The following CD1B variants were observed in gnomAD, a reference collection of about 807,000 sequenced individuals.
CD1B encodes the protein CD1b molecule.
CD1B carries 43 observed loss-of-function variants against 39.8 expected under a neutral mutation model. That is an observed-to-expected ratio of 1.08 (90% CI 0.85 to 1.39). The LOEUF (loss-of-function observed/expected upper bound fraction) is 1.39. CD1B is among the 40% of genes most tolerant of loss of function. CD1B has a pLI of 0.00. For missense variants in CD1B, 495 were observed against 403.8 expected, an observed-to-expected ratio of 1.23 and a Z score of -1.94; for synonymous variants, 192 against 152.5, an observed-to-expected ratio of 1.26 and a Z score of -1.91.
chr1:158,291,286 T>C, the CD1B span: 2 of 1,614,154 alleles, frequency 1.2e-6, no homozygotes, highest in Non-Finnish European at 1.7e-6. Context: ...GCATAACTGG[T>C]CCAAGGGCAA....
the CD1B span, among the ~76,000 whole-genome samples, chr1:158,288,753 T>A: frequency 0.017 from 2,579 of 152,290 alleles, 71 homozygotes; most frequent in African/African-American, 0.06. Flanking sequence ...ATTAATATGA[T>A]TTAAGAAACA....
the CD1B span, among the ~76,000 whole-genome samples, chr1:158,320,687 C>T: frequency 2.9e-4 from 44 of 152,070 alleles, no homozygotes; most frequent in African/African-American, 9.6e-4. Context: ...TCCTCCCCCT[C>T]CATAGGTTTT....
At chr1:158,320,837 T>G in the CD1B span, among the ~76,000 whole-genome samples, 1 of 152,218 alleles carries the variant, frequency 6.6e-6, no homozygotes, top group Admixed American at 6.5e-5. Flanking sequence ...CTCCTCTTAT[T>G]GATTTCTAGT....
At chr1:158,302,990 C>T in the CD1B span, among the ~76,000 whole-genome samples, 2 of 151,828 alleles carry the variant, frequency 1.3e-5, no homozygotes, top group African/African-American at 4.8e-5. Flanking sequence ...AAAAAGAAAA[C>T]ATTAGCTAAT....
chr1:158,309,580 C>T, the CD1B span, among the ~76,000 whole-genome samples: 1 of 152,036 alleles, frequency 6.6e-6, no homozygotes, highest in Admixed American at 6.6e-5. Flanking sequence ...TGGAACCAAC[C>T]CAAATGTCTA....
the CD1B span, among the ~76,000 whole-genome samples, chr1:158,320,744 TTC>T: frequency 6.6e-6 from 1 of 152,218 alleles, no homozygotes; most frequent in Non-Finnish European, 1.5e-5. Flanking sequence ...TATTGAAATT[TTC>T]TTTTTGATTT....
chr1:158,299,805 T>C, the CD1B span, among the ~76,000 whole-genome samples: 1 of 152,216 alleles, frequency 6.6e-6, no homozygotes, highest in African/African-American at 2.4e-5. Flanking sequence ...TGATGGTAGT[T>C]TGTATTTTTG....
chr1:158,292,904 G>T, the CD1B span: 519 of 1,609,230 alleles, frequency 3.2e-4, no homozygotes, highest in Middle Eastern at 1.3e-3. Context: ...GTGTAGGTAG[G>T]TGGTTCTTGA....
At chr1:158,307,261 C>T in the CD1B span, among the ~76,000 whole-genome samples, 357 of 152,194 alleles carry the variant, frequency 2.3e-3, 3 homozygotes, top group African/African-American at 7.9e-3. Flanking sequence ...CACCACTGAT[C>T]CCACAGAAAT....
At chr1:158,310,213 T>C in the CD1B span, among the ~76,000 whole-genome samples, 4 of 152,134 alleles carry the variant, frequency 2.6e-5, no homozygotes, top group Non-Finnish European at 5.9e-5. Context: ...TAAGAAGCAA[T>C]GGGGTGAAGA....
the CD1B span, among the ~76,000 whole-genome samples, chr1:158,306,290 A>G: frequency 6.6e-6 from 1 of 152,232 alleles, no homozygotes; most frequent in African/African-American, 2.4e-5. Context: ...CTAGTCTCTG[A>G]TAAAACAGAC....
At chr1:158,309,184 C>G in the CD1B span, among the ~76,000 whole-genome samples, 1 of 152,150 alleles carries the variant, frequency 6.6e-6, no homozygotes, top group African/African-American at 2.4e-5. Context: ...TATGAACAGA[C>G]ACTTCTCAAA....
At chr1:158,308,232 T>C in the CD1B span, among the ~76,000 whole-genome samples, 3 of 152,252 alleles carry the variant, frequency 2.0e-5, no homozygotes, top group Non-Finnish European at 2.9e-5. Context: ...CCATTCACAA[T>C]TGCTTCAAAA....
At position 158,330,915 on chromosome 1, in the gene CD1B, G is replaced by A; in HGVS notation, c.209C>T (p.Pro70Leu). 1 of 1,614,114 alleles carries A rather than the reference G, an allele frequency of 6.2e-7. No homozygotes were observed. The highest frequency in any genetic ancestry group is 8.5e-7 in the Non-Finnish European group (1 of 1,179,992). ...SDSGTAIFLKPWSKGNFSDKE... is the reference protein window; with the variant it reads ...SDSGTAIFLKLWSKGNFSDKE... ...ATCACTAAAGTTACCTTTAGACCAA[G>A]GCTTCAGGAATATGGCAGTGCCTGA... is the stretch of plus-strand genomic sequence containing the variant. The change falls in exon 2 of 6, where the codon CCT becomes CTT. Residue 70 changes from proline (P) to leucine (L), a missense_variant. Pro to Leu is a moderately conservative substitution (Grantham distance 98). Coordinates refer to ENST00000368168, the MANE Select transcript of CD1B (RefSeq NM_001764.3).
downstream of CD1B, among the ~76,000 whole-genome samples, chr1:158,323,455 A>G (rs1288674497): frequency 6.6e-6 from 1 of 152,098 alleles, no homozygotes; most frequent in African/African-American, 2.4e-5. Flanking sequence ...ATTCCTTGAG[A>G]GATAATACTT....
the CD1B span, among the ~76,000 whole-genome samples, chr1:158,302,795 G>C: frequency 1.3e-5 from 2 of 152,096 alleles, no homozygotes; most frequent in Non-Finnish European, 2.9e-5. Context: ...GTAATAAAAA[G>C]GTTGCCAATC....
Position 158,328,134 on chromosome 1 carries a change from C to A in CD1B, c.*102G>T. 2 of 917,640 alleles carry A rather than the reference C, an allele frequency of 2.2e-6. No individual in the cohort carries two copies. Among genetic ancestry groups the A allele is most frequent in the South Asian group, 1.5e-5 (1 of 65,584 alleles). The allele number at this position is 917,640 out of a possible 1,614,324, so 56.8% of individuals were successfully genotyped here. On this transcript the variant is annotated 3_prime_UTR_variant, in exon 6 of 6. Transcript: ENST00000368168. ...AAATACATGAAAACTCTGATTTCATCAAATTTGAAAATCATTTGAAATATG... is the reference window on the plus strand; with the variant it reads ...AAATACATGAAAACTCTGATTTCATAAAATTTGAAAATCATTTGAAATATG...
the CD1B span, among the ~76,000 whole-genome samples, chr1:158,307,552 G>GAA: frequency 6.6e-6 from 1 of 152,132 alleles, no homozygotes; most frequent in Non-Finnish European, 1.5e-5. Flanking sequence ...CCAATCAATA[G>GAA]AAAAAGAGGG....
chr1:158,286,770 C>T, the CD1B span, among the ~76,000 whole-genome samples: 11 of 152,138 alleles, frequency 7.2e-5, no homozygotes, highest in African/African-American at 2.7e-4. Context: ...TGCGTATTGC[C>T]ATGATGGGGG....
Sources: allele counts gnomAD v4.1 joint callset (sites outside exome capture counted in the v4.1 genomes callset), GRCh38; gene constraint gnomAD v4.1.1; transcripts MANE v1.5; gene names NCBI Gene and HGNC (gene_info 2026-07-23, HGNC 2026-07-21).